CYP11A1: variants seen among roughly 807,000 people sequenced by gnomAD.
CYP11A1 encodes the protein cytochrome P450 family 11 subfamily A member 1, also known as cholesterol side-chain cleavage enzyme, mitochondrial.
Under a neutral mutation model 51.9 loss-of-function variants are expected in CYP11A1, and 25 were observed. That is an observed-to-expected ratio of 0.48 (90% CI 0.35 to 0.67). The LOEUF is 0.67. Among genes scored for constraint, CYP11A1 ranks in the 30% least tolerant of loss-of-function variants. The pLI is 0.00. For synonymous variants in CYP11A1, 245 were observed against 262.1 expected (o/e 0.93, Z 0.63); for missense variants, 578 against 680.9 (o/e 0.85, Z 1.68).
At chr15:74,349,034 C>A (rs2060644264) in intron 1 of CYP11A1, among the ~76,000 whole-genome samples, 1 of 152,136 alleles carries the variant, frequency 6.6e-6, no homozygotes, top group Non-Finnish European at 1.5e-5. Context: ...CCACATACAA[C>A]TGTTACATAT....
chr15:74,365,958 A>G, intron 1 of CYP11A1: 1 of 925,078 alleles, frequency 1.1e-6, no homozygotes, highest in South Asian at 5.2e-5. Context: ...TTGGCGGCAG[A>G]GTGACTGGGA....
Position 74,343,913 on chromosome 15 carries a change from A to C in CYP11A1, c.705T>G (p.Asp235Glu). The C allele has an allele frequency of 6.2e-7, 1 of 1,614,198 alleles. No homozygotes were observed. The highest frequency in any genetic ancestry group is 2.2e-5 in the East Asian group (1 of 44,884). ...VVNPEAQRFI[D>E]AIYQMFHTSV... is the part of the protein sequence containing the mutation. ...TGGTGTGGAACATCTGGTAGATGGC[A>C]TCAATGAATCGCTGGGCCTCGGGGT... is the stretch of plus-strand genomic sequence containing the variant. Residue 235 changes from aspartate (D) to glutamate (E), a missense_variant, in exon 4 of 9, where the codon GAT (aspartate) becomes GAG (glutamate). Coordinates refer to ENST00000268053, the MANE Select transcript of CYP11A1 (RefSeq NM_000781.3).
intron 5 of CYP11A1, among the ~76,000 whole-genome samples, chr15:74,342,600 TTGAG>T (rs1270648338): frequency 6.6e-6 from 1 of 152,098 alleles, no homozygotes; most frequent in African/African-American, 2.4e-5. Flanking sequence ...TTCCCTGGAT[TTGAG>T]TGAGTGTGTT....
chr15:74,361,843 T>C, intron 1 of CYP11A1: 1 of 1,153,072 alleles, frequency 8.7e-7, no homozygotes, highest in Non-Finnish European at 1.3e-6. Flanking sequence ...CCTGGCATCT[T>C]GTCCATGGCA....
At position 74,342,315 on chromosome 15, in the gene CYP11A1, C is replaced by G. The variant is rs182018575; in HGVS notation, c.990+662G>C. Among the ~76,000 whole-genome samples the G allele has an allele frequency of 6.6e-5, 10 of 152,270 alleles. No individual in the cohort carries two copies. In the East Asian group the frequency reaches 1.9e-3, roughly 29 times the overall value. ...GCCAGGCTGGTCTCGAACTTCTGAC[C>G]TCATGATCCGCCCACCTCTGCCTCC... On this transcript the variant is annotated intron_variant, in intron 5 of 8. Transcript: ENST00000268053.
chr15:74,361,980 G>T lies in CYP11A1; in HGVS notation c.269+5337C>A, dbSNP rs1471428931. ...ATGAATATTGTGGAGGCCACGGAGC[G>T]CTTTGGGTCCAGGAATGGCAAGACC... On this transcript the variant is annotated intron_variant, in intron 1 of 8. Coordinates refer to ENST00000268053, the MANE Select transcript of CYP11A1 (RefSeq NM_000781.3). 3.7e-6 allele frequency: 5 copies of T among 1,346,240 alleles called. No homozygotes were observed. The South Asian group carries it at 5.8e-5, about 16-fold the overall frequency. 83.4% of individuals were successfully genotyped at this position (1,346,240 alleles called of 1,614,324 possible).
intron 1 of CYP11A1, chr15:74,366,105 G>T: frequency 3.0e-6 from 3 of 985,548 alleles, no homozygotes; most frequent in Non-Finnish European, 3.6e-6. Flanking sequence ...AGCGACCCGC[G>T]AAGAGCGCAG....
At chr15:74,346,851 A>G (rs1247480134) in intron 2 of CYP11A1, among the ~76,000 whole-genome samples, 2 of 143,362 alleles carry the variant, frequency 1.4e-5, no homozygotes, top group Admixed American at 1.5e-4. Context: ...CCCAGCCTGG[A>G]GTGCAGTGGT....
At chr15:74,342,760 A>G (rs933599414) in intron 5 of CYP11A1, among the ~76,000 whole-genome samples, 3 of 152,182 alleles carry the variant, frequency 2.0e-5, no homozygotes, top group African/African-American at 7.2e-5. Context: ...AGGCAAAGAA[A>G]AATAGCTGAT....
rs1228084259 is a variant in CYP11A1, at chr15:74,343,816, C to A, written c.802G>T (p.Ala268Ser). 1.2e-6 allele frequency: 2 copies of A among 1,612,882 alleles called. No individual in the cohort carries two copies. Among genetic ancestry groups the A allele is most frequent in the African/African-American group, 2.7e-5 (2 of 74,896 alleles). Reference sequence around the variant, plus strand: ...TTACTGAAAATCACGTCCCATGCAGCCACATGGTCCTTCCAGGTCTTGGTC... The same window carrying A: ...TTACTGAAAATCACGTCCCATGCAGACACATGGTCCTTCCAGGTCTTGGTC... The part of the protein sequence containing the change: ...FRTKTWKDHV[A>S]AWDVIFSKAD... Residue 268 changes from alanine to serine, a missense_variant, in exon 4 of 9, where the codon GCT becomes TCT. Physicochemically the swap from Ala to Ser is moderately conservative, Grantham distance 99 (BLOSUM62 1). Coordinates refer to ENST00000268053, the MANE Select transcript of CYP11A1 (RefSeq NM_000781.3).
intron 1 of CYP11A1, chr15:74,359,731 C>A (rs566335367): frequency 6.6e-6 from 1 of 152,348 alleles, no homozygotes; most frequent in South Asian, 2.1e-4. Flanking sequence ...GATTAAAAAG[C>A]TTTATTGCTC....
In CYP11A1 at chr15:74,345,143, G is replaced by A. The variant is rs778417752; in HGVS notation, c.526C>T (p.Arg176Trp). ...CTGTGCAGGACACTGACGAAGTCCC[G>A]AGACACTGCATCCAACAGGGGCAAA... ...NFLPLLDAVS[R>W]DFVSVLHRRI... Residue 176 changes from arginine (R) to tryptophan (W), a missense_variant, in exon 3 of 9, where the codon CGG becomes TGG. Coordinates refer to ENST00000268053, the MANE Select transcript of CYP11A1 (RefSeq NM_000781.3). The surrounding 1 kb of genome is among the most constrained non-coding windows in gnomAD (Gnocchi z 4.3). The A allele has an allele frequency of 1.7e-5, 28 of 1,614,016 alleles. No individual in the cohort carries two copies. The highest frequency in any genetic ancestry group is 2.2e-5 in the East Asian group (1 of 44,900).
intron 1 of CYP11A1, among the ~76,000 whole-genome samples, chr15:74,349,682 G>T (rs1457383305): frequency 6.6e-6 from 1 of 152,138 alleles, no homozygotes; most frequent in Admixed American, 6.5e-5. Context: ...GTCCATTGCA[G>T]CCTCATGTCT....
At chr15:74,338,472 C>T in intron 8 of CYP11A1, 99 bp downstream of exon 8, 1 of 1,251,868 alleles carries the variant, frequency 8.0e-7, no homozygotes, top group Non-Finnish European at 1.2e-6. Flanking sequence ...CCAGCACTGA[C>T]ATCCTTGGGC....
At chr15:74,348,167 G>A (rs924715678) in intron 1 of CYP11A1, 112 bp from the exon 2 acceptor site, 26 of 1,260,960 alleles carry the variant, frequency 2.1e-5, no homozygotes, top group Admixed American at 1.0e-4. Flanking sequence ...GACCTGAGTC[G>A]AGGCCCTTAA....
At chr15:74,348,474 A>C (rs574642883) in intron 1 of CYP11A1, among the ~76,000 whole-genome samples, 2 of 152,274 alleles carry the variant, frequency 1.3e-5, no homozygotes, top group Admixed American at 1.3e-4. Context: ...GCTCAGAACC[A>C]TGGCACACTT....
In CYP11A1 at chr15:74,345,412, C is replaced by T. The variant is rs1226583822; in HGVS notation, c.426-169G>A. 9.0e-6 allele frequency: 6 copies of T among 670,042 alleles called. No homozygotes were observed. The highest frequency in any genetic ancestry group is 2.7e-5 in the East Asian group (1 of 36,564). The allele number at this position is 670,042 out of a possible 1,614,324, so 41.5% of individuals were successfully genotyped here. On this transcript the variant is annotated intron_variant, in intron 2 of 8. Transcript: ENST00000268053. This position sits in a 1 kb window ranked among gnomAD's most constrained non-coding sequence, Gnocchi z 4.3. ...TCCGAGCACCCTCTGCCTCTCACCTCCTCCCTGCTCTGCCTGGCTGGGAGA... is the reference window on the plus strand; with the variant it reads ...TCCGAGCACCCTCTGCCTCTCACCTTCTCCCTGCTCTGCCTGGCTGGGAGA...
intron 3 of CYP11A1, chr15:74,344,819 A>T (rs1398640268): frequency 1.8e-5 from 11 of 596,874 alleles, no homozygotes; most frequent in African/African-American, 3.7e-5. Context: ...CAGATGAGAG[A>T]GAATGCCAGA....
intron 1 of CYP11A1, among the ~76,000 whole-genome samples, chr15:74,350,478 C>T (rs1337334581): frequency 2.0e-5 from 3 of 152,136 alleles, no homozygotes; most frequent in African/African-American, 7.2e-5. Flanking sequence ...TCAGTTTCCC[C>T]ATCTGTAAAG....
Sources: gnomAD v4.1 joint callset for allele counts (sites outside exome capture counted in the v4.1 genomes callset) on GRCh38, gnomAD v4.1.1 for gene constraint, Gnocchi (gnomAD v3.1) non-coding constraint, MANE v1.5 for transcripts, NCBI Gene and HGNC (gene_info 2026-07-23, HGNC 2026-07-21) for gene names.